Variants in NR4A3 observed in about 807,000 individuals in gnomAD.
NR4A3 encodes nuclear receptor subfamily 4 group A member 3.
In NR4A3, 13 loss-of-function variants were observed where a neutral mutation model predicts 55.6. The ratio of observed to expected loss-of-function variants is 0.23; its 90% CI spans 0.15 to 0.37. The LOEUF (loss-of-function observed/expected upper bound fraction) is 0.37. Among genes scored for constraint, NR4A3 ranks in the 10% least tolerant of loss-of-function variants. The probability of loss-of-function intolerance (pLI) is 1.00; values close to 1 mark genes in which losing one functional copy is unlikely to be tolerated. For missense variants in NR4A3, 646 were observed against 822.8 expected (o/e 0.79, Z 2.63); for synonymous variants, 342 against 357.9 (o/e 0.96, Z 0.50).
Position 99,863,719 on chromosome 9 carries a change from C to A in NR4A3, c.1733C>A (p.Pro578His), listed in dbSNP as rs1349158394. Residue 578 changes from proline (P) to histidine (H), a missense_variant, in exon 8 of 8, where the codon CCC becomes CAC. Physicochemically the swap from Pro to His is moderately conservative, Grantham distance 77 (BLOSUM62 -2). Coordinates refer to ENST00000395097, the MANE Select transcript of NR4A3 (RefSeq NM_006981.4). ...DHQSKGQALE[P>H]TESKVLGALV... Reference sequence around the variant, plus strand: ...CAGAGTAAGGGACAGGCTCTGGAGCCCACCGAGTCCAAGGTCCTGGGTGCC... The same window carrying A: ...CAGAGTAAGGGACAGGCTCTGGAGCACACCGAGTCCAAGGTCCTGGGTGCC... The A allele has an allele frequency of 1.2e-6, 2 of 1,613,872 alleles. No individual in the cohort carries two copies.
chr9:99,821,996 A>G lies in NR4A3; in HGVS notation c.-588A>G, dbSNP rs1357514329. 6.9e-6 allele frequency: 1 copy of G among 145,240 alleles called. No individual in the cohort carries two copies. Among genetic ancestry groups the G allele is most frequent in the Non-Finnish European group, 1.5e-5 (1 of 67,388 alleles). The allele number at this position is 145,240 out of a possible 1,614,324, so 9.0% of individuals were successfully genotyped here. ...CTCACACCCGCTCCCTCACTCGCAC[A>G]CACAGACACAAGCGCGCACACAGGC... On this transcript the variant is annotated 5_prime_UTR_variant, in exon 1 of 8. Transcript: ENST00000395097.
At chr9:99,823,809 C>T (rs1827233212) in intron 1 of NR4A3, among the ~76,000 whole-genome samples, 1 of 149,202 alleles carries the variant, frequency 6.7e-6, no homozygotes, top group South Asian at 2.2e-4. Context: ...CGCGGTTTGT[C>T]TAGTCTCCCT....
chr9:99,828,702 G>C lies in NR4A3; in HGVS notation c.660G>C (p.Ala220=). 7.6e-7 allele frequency: 1 copy of C among 1,319,480 alleles called. No individual in the cohort carries two copies. Among genetic ancestry groups the C allele is most frequent in the Non-Finnish European group, 9.6e-7 (1 of 1,041,158 alleles). The allele number at this position is 1,319,480 out of a possible 1,614,324, so 81.7% of individuals were successfully genotyped here. A position where few individuals can be genotyped will look rare whatever the true frequency, so the allele number is the denominator to read the frequency against. Residue 220 remains alanine (A), a synonymous_variant, in exon 3 of 8, where the codon GCG becomes GCC. Coordinates refer to ENST00000395097, the MANE Select transcript of NR4A3 (RefSeq NM_006981.4). The surrounding 1 kb of genome is among the most constrained non-coding windows in gnomAD (Gnocchi z 7.7). ...GCTACGACCCGACGGCCGCTGCCGC[G>C]CTCAGCCTGCCGCTGGGAGCCGCAG... ...HLGYDPTAAA[A]LSLPLGAAAA...
chr9:99,832,601 T>C, intron 3 of NR4A3, 88 bp from the exon 4 acceptor site: 27 of 1,179,642 alleles, frequency 2.3e-5, no homozygotes, highest in Non-Finnish European at 3.1e-5. Context: ...GCACTGTCGC[T>C]TTTCACATTG....
intron 5 of NR4A3, chr9:99,834,044 A>G (rs755546345): frequency 3.0e-5 from 32 of 1,065,452 alleles, no homozygotes; most frequent in Non-Finnish European, 3.6e-5. Context: ...AAATGGCTAC[A>G]ATATTTAACC....
intron 5 of NR4A3, among the ~76,000 whole-genome samples, chr9:99,843,547 G>A (rs969620162): frequency 2.0e-5 from 3 of 152,064 alleles, no homozygotes; most frequent in East Asian, 1.9e-4. Flanking sequence ...GGCCAGGCAC[G>A]GTGTCTTATG....
chr9:99,848,347 TA>T (rs1827792592), intron 7 of NR4A3, among the ~76,000 whole-genome samples: 1 of 152,188 alleles, frequency 6.6e-6, no homozygotes, highest in Admixed American at 6.5e-5. Context: ...TTTAAAATTT[TA>T]TTATCATTAT....
At chr9:99,842,242 C>T (rs892741888) in intron 5 of NR4A3, among the ~76,000 whole-genome samples, 1 of 151,820 alleles carries the variant, frequency 6.6e-6, no homozygotes, top group African/African-American at 2.4e-5. Context: ...TGCTTATTAG[C>T]TGTTTCTTCT....
rs577197419 is a variant in NR4A3 at position 99,855,114 on chromosome 9, T to C, written c.1633+7499T>C. Among the ~76,000 whole-genome samples the C allele has an allele frequency of 3.8e-4, 57 of 151,412 alleles. 1 individual carries two copies. The South Asian group carries it at 0.012, about 32-fold the overall frequency. ...GCAATTGTGAATGGGAGTTCACCCA[T>C]GATTTGGCTCTCTGTTTGTCTGTTG... On this transcript the variant is annotated intron_variant, in intron 7 of 7. Transcript: ENST00000395097.
chr9:99,828,093 T>C lies in NR4A3; in HGVS notation c.51T>C (p.Tyr17=), dbSNP rs1351910466. ...GCCCTTCCCCTCCAGGTTCCAGTTATGCGGCGCAGACATACAGCTCGGAAT... is the reference window on the plus strand; with the variant it reads ...GCCCTTCCCCTCCAGGTTCCAGTTACGCGGCGCAGACATACAGCTCGGAAT... ...QYSPSPPGSS[Y]AAQTYSSEYT... is the part of the protein sequence containing the mutation. The change falls in exon 3 of 8, where the codon TAT becomes TAC. Residue 17 remains tyrosine (Y), a synonymous_variant. Transcript: ENST00000395097. The surrounding 1 kb of genome is among the most constrained non-coding windows in gnomAD (Gnocchi z 7.7). The C allele has an allele frequency of 1.9e-6, 3 of 1,614,088 alleles. No homozygotes were observed. Among genetic ancestry groups the C allele is most frequent in the East Asian group, 2.2e-5 (1 of 44,870 alleles).
At position 99,825,951 on chromosome 9, in the gene NR4A3, G is replaced by T. The variant is rs1827288499; in HGVS notation, c.-3+119G>T. ...AGTGCCAGGACAGTGACTGCTGGCC[G>T]CGAATTTCACAACACAGGTGGCTTC... On this transcript the variant is annotated intron_variant, in intron 2 of 7. Transcript: ENST00000395097. This position sits in a 1 kb window ranked among gnomAD's most constrained non-coding sequence, Gnocchi z 5.0. 1.6e-5 allele frequency: 3 copies of T among 186,822 alleles called. No homozygotes were observed. Among genetic ancestry groups the T allele is most frequent in the Non-Finnish European group, 2.3e-5 (2 of 88,248 alleles). The allele number at this position is 186,822 out of a possible 1,614,324, so 11.6% of individuals were successfully genotyped here. A position where few individuals can be genotyped will look rare whatever the true frequency, so the allele number is the denominator to read the frequency against.
rs1828071117 is a variant in NR4A3 at position 99,864,998 on chromosome 9, G to T, written c.*1131G>T. ...AATCTTTTTAAAAAATAGTATGAAT[G>T]TGAATACTAGAAAAGATTTAAAAAA... is the stretch of plus-strand genomic sequence containing the variant. On this transcript the variant is annotated 3_prime_UTR_variant, in exon 8 of 8. Transcript: ENST00000395097. 4 of 199,866 alleles carry T rather than the reference G, an allele frequency of 2.0e-5. No homozygotes were observed. The East Asian group carries it at 3.1e-4, about 15-fold the overall frequency. The allele number at this position is 199,866 out of a possible 1,614,324, so 12.4% of individuals were successfully genotyped here. A position where few individuals can be genotyped will look rare whatever the true frequency, so the allele number is the denominator to read the frequency against.
At chr9:99,862,385 A>C (rs1310442306) in intron 7 of NR4A3, among the ~76,000 whole-genome samples, 1 of 151,570 alleles carries the variant, frequency 6.6e-6, no homozygotes, top group Non-Finnish European at 1.5e-5. Context: ...CTCTACTGAA[A>C]ATACAAAAAA....
intron 5 of NR4A3, among the ~76,000 whole-genome samples, chr9:99,836,409 G>A (rs1022694244): frequency 6.6e-6 from 1 of 152,218 alleles, no homozygotes; most frequent in African/African-American, 2.4e-5. Flanking sequence ...ATTACCTTCA[G>A]CTGCAGTAGT....
Position 99,826,410 on chromosome 9 carries a change from A to T in NR4A3, c.-3+578A>T, listed in dbSNP as rs532653602. On this transcript the variant is annotated intron_variant, in intron 2 of 7. Transcript: ENST00000395097. The stretch of plus-strand genomic sequence containing the variant: ...TGTGGGCACCATAGATAATGCAGAT[A>T]AATAGAATACAATCCCAGCAAGCTC... Among the ~76,000 whole-genome samples, 62 of 152,350 alleles carry T rather than the reference A, an allele frequency of 4.1e-4. No individual in the cohort carries two copies. The South Asian group carries it at 9.3e-3, about 23-fold the overall frequency.
chr9:99,826,821 G>T (rs1472375092), intron 2 of NR4A3: 20 of 1,606,464 alleles, frequency 1.2e-5, no homozygotes, highest in Non-Finnish European at 1.6e-5. Context: ...AGATGTCAAA[G>T]GAAATGTGAA....
Position 99,864,042 on chromosome 9 carries a change from G to C in NR4A3, c.*175G>C. ...CTCTTTTCCTTACAACCTAAAGCCA[G>C]AAAACTTGCAGAGTATTGTGTTGGG... is the stretch of plus-strand genomic sequence containing the variant. On this transcript the variant is annotated 3_prime_UTR_variant, in exon 8 of 8. Coordinates refer to ENST00000395097, the MANE Select transcript of NR4A3 (RefSeq NM_006981.4). 1 of 566,176 alleles carries C rather than the reference G, an allele frequency of 1.8e-6. No individual in the cohort carries two copies. Among genetic ancestry groups the C allele is most frequent in the Non-Finnish European group, 2.9e-6 (1 of 348,718 alleles). The allele number at this position is 566,176 out of a possible 1,614,324, so 35.1% of individuals were successfully genotyped here. A position where few individuals can be genotyped will look rare whatever the true frequency, so the allele number is the denominator to read the frequency against.
At chr9:99,835,113 T>C (rs1016470318) in intron 5 of NR4A3, 28 of 166,980 alleles carry the variant, frequency 1.7e-4, no homozygotes, top group African/African-American at 6.7e-4. Context: ...GAAGATTAAT[T>C]AACAATTATA....
chr9:99,826,610 C>A, intron 2 of NR4A3: 1 of 625,072 alleles, frequency 1.6e-6, no homozygotes, highest in Non-Finnish European at 2.9e-6. Context: ...TTCATTTCAT[C>A]CCAACAACTG....
Sources: allele counts gnomAD v4.1 joint callset (sites outside exome capture counted in the v4.1 genomes callset), GRCh38; gene constraint gnomAD v4.1.1; non-coding constraint Gnocchi (gnomAD v3.1); transcripts MANE v1.5; gene names NCBI Gene and HGNC (gene_info 2026-07-23, HGNC 2026-07-21).